The following WDR70 variants were observed in gnomAD, a reference collection of about 807,000 sequenced individuals.
WDR70 encodes WD repeat-containing protein 70.
In WDR70, 53 loss-of-function variants were observed where a neutral mutation model predicts 88.6. The observed-to-expected ratio is 0.60, with a 90% CI of 0.48 to 0.75. The LOEUF (loss-of-function observed/expected upper bound fraction) is 0.75, where lower values mean the gene tolerates loss of function less well. WDR70 is among the 30% of genes least tolerant of loss of function. The probability of loss-of-function intolerance (pLI) is 0.00; values close to 1 mark genes in which losing one functional copy is unlikely to be tolerated. For missense variants in WDR70, 610 were observed against 823.2 expected, an observed-to-expected ratio of 0.74 and a Z score of 3.17; for synonymous variants, 280 against 270.0, an observed-to-expected ratio of 1.04 and a Z score of -0.36.
intron 17 of WDR70, among the ~76,000 whole-genome samples, chr5:37,747,142 T>C (rs1748658904): frequency 6.6e-6 from 1 of 151,686 alleles, no homozygotes; most frequent in African/African-American, 2.4e-5. Context: ...ACATAATCCA[T>C]CACATAAACA....
intron 9 of WDR70, among the ~76,000 whole-genome samples, chr5:37,534,300 A>G (rs527737584): frequency 1.2e-4 from 18 of 152,190 alleles, no homozygotes; most frequent in Non-Finnish European, 2.4e-4. Flanking sequence ...AAGGAAATCT[A>G]TTTAACTGTA....
intron 11 of WDR70, 112 bp from the exon 12 acceptor site, chr5:37,700,946 T>C (rs1469682929): frequency 3.2e-6 from 2 of 629,632 alleles, no homozygotes; most frequent in Non-Finnish European, 5.7e-6. Context: ...CCCTTCCCCT[T>C]CCCTTTCTTC....
chr5:37,512,739 G>A (rs1223294693), intron 8 of WDR70, among the ~76,000 whole-genome samples: 1 of 151,240 alleles, frequency 6.6e-6, no homozygotes, highest in Admixed American at 6.6e-5. Context: ...GTGCCACCAT[G>A]CCTGGATAAT....
At chr5:37,650,119 C>T (rs112244829) in intron 10 of WDR70, among the ~76,000 whole-genome samples, 85 of 149,392 alleles carry the variant, frequency 5.7e-4, no homozygotes, top group African/African-American at 1.9e-3. Flanking sequence ...AGTATTGGGC[C>T]GGGCGCAGTG....
At chr5:37,727,951 A>G (rs976987904) in intron 17 of WDR70, among the ~76,000 whole-genome samples, 3 of 152,174 alleles carry the variant, frequency 2.0e-5, no homozygotes, top group Admixed American at 1.3e-4. Context: ...GAAATAGTAC[A>G]GAGAGTACAT....
At chr5:37,420,138 G>A (rs1021973534) in intron 5 of WDR70, among the ~76,000 whole-genome samples, 1 of 152,108 alleles carries the variant, frequency 6.6e-6, no homozygotes, top group African/African-American at 2.4e-5. Context: ...CGAGGTGGGA[G>A]GATTACTTGA....
At chr5:37,590,107 T>C (rs1167651437) in intron 9 of WDR70, among the ~76,000 whole-genome samples, 1 of 152,192 alleles carries the variant, frequency 6.6e-6, no homozygotes, top group Non-Finnish European at 1.5e-5. Flanking sequence ...GTTTAATTAC[T>C]GATGGTCTTT....
At chr5:37,437,162 G>T (rs2007898) in intron 5 of WDR70, among the ~76,000 whole-genome samples, 1 of 152,066 alleles carries the variant, frequency 6.6e-6, no homozygotes, top group Non-Finnish European at 1.5e-5. Flanking sequence ...AGAAGAGACC[G>T]TGTCTGCTGC....
chr5:37,586,574 G>A (rs1211726402), intron 9 of WDR70, among the ~76,000 whole-genome samples: 2 of 145,266 alleles, frequency 1.4e-5, no homozygotes, highest in Non-Finnish European at 3.0e-5. Flanking sequence ...CCCACCCACC[G>A]GCAGGCCCCA....
At chr5:37,500,980 C>T (rs575828081) in intron 8 of WDR70, among the ~76,000 whole-genome samples, 1 of 152,266 alleles carries the variant, frequency 6.6e-6, no homozygotes, top group Admixed American at 6.5e-5. Context: ...CTCAGGTGAT[C>T]AGCCCGCCTT....
chr5:37,681,562 G>T (rs1746437934), intron 10 of WDR70, among the ~76,000 whole-genome samples: 1 of 152,042 alleles, frequency 6.6e-6, no homozygotes, highest in African/African-American at 2.4e-5. Flanking sequence ...GTTGGCTGTG[G>T]GTTTGTCATA....
At chr5:37,533,308 C>T (rs1049990092) in intron 9 of WDR70, among the ~76,000 whole-genome samples, 1 of 152,172 alleles carries the variant, frequency 6.6e-6, no homozygotes, top group Non-Finnish European at 1.5e-5. Flanking sequence ...GTGGACTTGC[C>T]CTACGGGCTG....
chr5:37,559,472 C>T (rs1742419748), intron 9 of WDR70, among the ~76,000 whole-genome samples: 1 of 152,132 alleles, frequency 6.6e-6, no homozygotes, highest in African/African-American at 2.4e-5. Context: ...TAATCCAGAG[C>T]ATATTCCTGT....
chr5:37,512,248 G>C (rs1297028848), intron 8 of WDR70, among the ~76,000 whole-genome samples: 2 of 151,722 alleles, frequency 1.3e-5, no homozygotes, highest in Non-Finnish European at 2.9e-5. Context: ...CTTGAAACAG[G>C]GTCTCATAAT....
chr5:37,681,890 T>C (rs1746446656), intron 10 of WDR70, among the ~76,000 whole-genome samples: 1 of 151,882 alleles, frequency 6.6e-6, no homozygotes. Flanking sequence ...TGAAGTTTTC[T>C]TTTTTTTGTT....
chr5:37,678,946 T>C (rs1419805460), intron 10 of WDR70, among the ~76,000 whole-genome samples: 4 of 152,232 alleles, frequency 2.6e-5, no homozygotes, highest in Non-Finnish European at 5.9e-5. Context: ...TATTCTTTTT[T>C]CTCTAAACTT....
intron 9 of WDR70, among the ~76,000 whole-genome samples, chr5:37,531,876 G>C (rs1421484686): frequency 6.6e-6 from 1 of 151,824 alleles, no homozygotes; most frequent in South Asian, 2.1e-4. Context: ...GCTTTAAGGA[G>C]GCTCTATTTT....
At chr5:37,419,560 T>C (rs1488941229) in intron 5 of WDR70, among the ~76,000 whole-genome samples, 2 of 148,870 alleles carry the variant, frequency 1.3e-5, no homozygotes, top group Non-Finnish European at 3.0e-5. Context: ...ATGCCTGTAA[T>C]CCCAGCACTT....
chr5:37,513,420 C>T (rs1740783280), intron 8 of WDR70, among the ~76,000 whole-genome samples: 1 of 151,986 alleles, frequency 6.6e-6, no homozygotes. Flanking sequence ...ATTGGAGGAA[C>T]TGAAAGGAAG....
Sources: allele counts gnomAD v4.1 joint callset (sites outside exome capture counted in the v4.1 genomes callset), GRCh38; gene constraint gnomAD v4.1.1; transcripts MANE v1.5; gene names NCBI Gene and HGNC (gene_info 2026-07-23, HGNC 2026-07-21).